Variants in SDCCAG8 observed in about 807,000 individuals in gnomAD.
The protein encoded by SDCCAG8 is SHH signaling and ciliogenesis regulator SDCCAG8.
A neutral mutation model predicts 101.8 loss-of-function variants in SDCCAG8; 74 were observed. The observed-to-expected ratio is 0.73, with a 90% CI of 0.60 to 0.88. The LOEUF (loss-of-function observed/expected upper bound fraction) is 0.88. Among genes scored for constraint, SDCCAG8 ranks in the 40% least tolerant of loss-of-function variants. The pLI, the probability that SDCCAG8 is intolerant of heterozygous loss-of-function variation, is 0.00. For synonymous variants in SDCCAG8, 281 were observed against 292.9 expected (o/e 0.96, Z 0.41); for missense variants, 787 against 822.6 (o/e 0.96, Z 0.53).
chr1:243,283,613 T>A (rs1371500619), intron 4 of SDCCAG8, among the ~76,000 whole-genome samples: 1 of 152,028 alleles, frequency 6.6e-6, no homozygotes, highest in African/African-American at 2.4e-5. Flanking sequence ...TCATGTCTGT[T>A]AATAGTTTTT....
At chr1:243,265,744 C>T (rs569906874) in intron 1 of SDCCAG8, among the ~76,000 whole-genome samples, 5 of 151,338 alleles carry the variant, frequency 3.3e-5, no homozygotes, top group Middle Eastern at 3.4e-3. Flanking sequence ...ACCTGGGAGG[C>T]GGAGGTTGCA....
intron 16 of SDCCAG8, among the ~76,000 whole-genome samples, chr1:243,439,258 A>T (rs1015191004): frequency 6.6e-6 from 1 of 151,872 alleles, no homozygotes; most frequent in Admixed American, 6.6e-5. Context: ...GATTTAAGTG[A>T]TCCTCCCACC....
intron 4 of SDCCAG8, 141 bp from the exon 5 acceptor site, chr1:243,286,131 G>C (rs990323130): frequency 2.2e-6 from 2 of 902,670 alleles, no homozygotes; most frequent in Non-Finnish European, 3.5e-6. Flanking sequence ...AGGCTGCCTT[G>C]TTTGTCTAAA....
At chr1:243,451,227 C>T (rs2083330516) in intron 16 of SDCCAG8, among the ~76,000 whole-genome samples, 1 of 152,202 alleles carries the variant, frequency 6.6e-6, no homozygotes, top group Non-Finnish European at 1.5e-5. Context: ...CTCAGCATCT[C>T]CTTGAGTTTC....
At chr1:243,399,057 C>A (rs1436941669) in intron 13 of SDCCAG8, among the ~76,000 whole-genome samples, 1 of 152,146 alleles carries the variant, frequency 6.6e-6, no homozygotes, top group East Asian at 1.9e-4. Flanking sequence ...TATACACATA[C>A]GTGTGTGTGT....
At chr1:243,422,124 G>C (rs1301575340) in intron 15 of SDCCAG8, among the ~76,000 whole-genome samples, 1 of 152,126 alleles carries the variant, frequency 6.6e-6, no homozygotes. Flanking sequence ...TAGAACCAGG[G>C]TCTATGTGGT....
chr1:243,257,633 A>G (rs1437305151), intron 1 of SDCCAG8, among the ~76,000 whole-genome samples: 2 of 152,252 alleles, frequency 1.3e-5, no homozygotes, highest in Non-Finnish European at 2.9e-5. Context: ...TCATGACTCT[A>G]GATTTTATAA....
rs765713236 is a variant in SDCCAG8 at position 243,418,081 on chromosome 1, G to T, written c.1853+5G>T. 3.8e-6 allele frequency: 6 copies of T among 1,588,370 alleles called. No individual in the cohort carries two copies. Among genetic ancestry groups the T allele is most frequent in the Non-Finnish European group, 3.5e-6 (4 of 1,157,194 alleles). On this transcript the variant is annotated splice_donor_5th_base_variant and intron_variant, in intron 15 of 17. Transcript: ENST00000366541. Reference sequence around the variant, plus strand: ...ACAAATCTCTCAAAAAACCAGGTAGGTGATGTTATAGAATACTTTCAAGAG... The same window carrying T: ...ACAAATCTCTCAAAAAACCAGGTAGTTGATGTTATAGAATACTTTCAAGAG...
At chr1:243,307,052 TTTTTTTTTG>T (rs2072209086) in intron 7 of SDCCAG8, among the ~76,000 whole-genome samples, 1 of 147,840 alleles carries the variant, frequency 6.8e-6, no homozygotes, top group African/African-American at 2.6e-5. Context: ...AGCTAGAAAG[TTTTTTTTTG>T]TTTTTTTTTT....
intron 9 of SDCCAG8, chr1:243,318,450 C>T (rs1174050308): frequency 4.4e-6 from 2 of 457,858 alleles, no homozygotes; most frequent in Non-Finnish European, 5.8e-6. Context: ...TAACAAAACC[C>T]CGTGACATGA....
In SDCCAG8 at chr1:243,427,653, T is replaced by C. The variant is rs1031047471; in HGVS notation, c.1985+1095T>C. Among the ~76,000 whole-genome samples, 11 of 152,298 alleles carry C rather than the reference T, an allele frequency of 7.2e-5. No homozygotes were observed. The South Asian group carries it at 1.2e-3, about 17-fold the overall frequency. On this transcript the variant is annotated intron_variant, in intron 16 of 17. Transcript: ENST00000366541. ...AAAATATTTATAGACTCCTTGTATT[T>C]TTTTAAATGTAAAGTAAGCATATTA...
chr1:243,329,885 A>T (rs1473395118), intron 9 of SDCCAG8, among the ~76,000 whole-genome samples: 1 of 152,204 alleles, frequency 6.6e-6, no homozygotes. Flanking sequence ...ACAATCATGA[A>T]CTTTACCAGA....
chr1:243,296,535 C>CTTTTTTTTTTTTTTTTTTT (rs756242066), intron 6 of SDCCAG8, among the ~76,000 whole-genome samples: 1 of 57,944 alleles, frequency 1.7e-5, no homozygotes, highest in Non-Finnish European at 2.8e-5. Flanking sequence ...CCCAACTGCT[C>CTTTTTTTTTTTTTTTTTTT]TTTTTTTTTT....
At chr1:243,334,371 C>T (rs1401474881) in intron 10 of SDCCAG8, among the ~76,000 whole-genome samples, 1 of 152,188 alleles carries the variant, frequency 6.6e-6, no homozygotes, top group African/African-American at 2.4e-5. Context: ...AGCATGAAGA[C>T]TCTACAATAT....
chr1:243,461,757 A>G (rs1355482926), intron 16 of SDCCAG8, among the ~76,000 whole-genome samples: 1 of 151,882 alleles, frequency 6.6e-6, no homozygotes, highest in African/African-American at 2.4e-5. Context: ...CATTTTTAAA[A>G]CTCAATACTA....
chr1:243,442,777 A>G (rs1472304325), intron 16 of SDCCAG8, among the ~76,000 whole-genome samples: 1 of 152,202 alleles, frequency 6.6e-6, no homozygotes, highest in African/African-American at 2.4e-5. Context: ...AAACCTTTTC[A>G]GACTACTTCT....
At chr1:243,282,605 G>A (rs542632772) in intron 4 of SDCCAG8, among the ~76,000 whole-genome samples, 1 of 152,130 alleles carries the variant, frequency 6.6e-6, no homozygotes, top group East Asian at 1.9e-4. Context: ...ATATATGCTA[G>A]CAATAAATTC....
At chr1:243,379,489 T>C (rs1332586826) in intron 13 of SDCCAG8, among the ~76,000 whole-genome samples, 1 of 152,104 alleles carries the variant, frequency 6.6e-6, no homozygotes, top group Non-Finnish European at 1.5e-5. Flanking sequence ...CGGCCCTAAA[T>C]TACAGTAAGA....
intron 16 of SDCCAG8, among the ~76,000 whole-genome samples, chr1:243,437,320 A>G (rs74807344): frequency 0.011 from 1,696 of 152,244 alleles, 34 homozygotes; most frequent in African/African-American, 0.039. Context: ...TACAAAAGGA[A>G]AAAAGACATG....
Sources: allele counts gnomAD v4.1 joint callset (sites outside exome capture counted in the v4.1 genomes callset), GRCh38; gene constraint gnomAD v4.1.1; transcripts MANE v1.5; gene names NCBI Gene and HGNC (gene_info 2026-07-23, HGNC 2026-07-21).